The following CTNND2 variants were observed in gnomAD, a reference collection of about 807,000 sequenced individuals.
CTNND2 encodes the protein catenin delta-2.
CTNND2 carries 22 observed loss-of-function variants against 144.4 expected under a neutral mutation model. That is an observed-to-expected ratio of 0.15 (90% CI 0.11 to 0.22). CTNND2 has a LOEUF of 0.22. Among genes scored for constraint, CTNND2 ranks in the 10% least tolerant of loss-of-function variants. The pLI is 1.00. For synonymous variants in CTNND2, 751 were observed against 695.6 expected, an observed-to-expected ratio of 1.08 and a Z score of -1.25; for missense variants, 1,353 against 1,618.8, an observed-to-expected ratio of 0.84 and a Z score of 2.82.
intron 12 of CTNND2, among the ~76,000 whole-genome samples, chr5:11,158,616 G>C (rs1002695094): frequency 6.6e-6 from 1 of 152,102 alleles, no homozygotes; most frequent in Non-Finnish European, 1.5e-5. Context: ...GAGAGCATTG[G>C]GATGAATACT....
chr5:11,633,610 T>C (rs940146518), intron 2 of CTNND2, among the ~76,000 whole-genome samples: 1 of 152,016 alleles, frequency 6.6e-6, no homozygotes, highest in African/African-American at 2.4e-5. Context: ...ACCCCATCTC[T>C]ACTAAAAATA....
At chr5:11,112,833 G>T (rs1281923139) in intron 13 of CTNND2, among the ~76,000 whole-genome samples, 2 of 152,152 alleles carry the variant, frequency 1.3e-5, no homozygotes, top group African/African-American at 4.8e-5. Context: ...TTTGTAAAGG[G>T]AGGGTCATAT....
intron 3 of CTNND2, among the ~76,000 whole-genome samples, chr5:11,555,112 C>A (rs897207976): frequency 6.6e-6 from 1 of 152,136 alleles, no homozygotes; most frequent in Non-Finnish European, 1.5e-5. Context: ...TCTGTTCATT[C>A]ATTTATTCAT....
intron 16 of CTNND2, among the ~76,000 whole-genome samples, chr5:11,078,788 G>A (rs917482810): frequency 6.6e-6 from 1 of 152,172 alleles, no homozygotes; most frequent in Non-Finnish European, 1.5e-5. Context: ...AAAAAGAAAA[G>A]AGTATATGGG....
At chr5:11,584,806 T>C (rs1778712815) in intron 2 of CTNND2, among the ~76,000 whole-genome samples, 1 of 152,176 alleles carries the variant, frequency 6.6e-6, no homozygotes, top group Non-Finnish European at 1.5e-5. Context: ...ACCCTAAAGA[T>C]ACGTTTTGTT....
At chr5:11,311,258 TCA>T (rs1336806780) in intron 9 of CTNND2, among the ~76,000 whole-genome samples, 3 of 116,638 alleles carry the variant, frequency 2.6e-5, no homozygotes, top group African/African-American at 9.8e-5. Context: ...ACATAAACTC[TCA>T]CACTCACTCC....
intron 10 of CTNND2, among the ~76,000 whole-genome samples, chr5:11,221,296 C>CTGT (rs1431282045): frequency 6.6e-6 from 1 of 152,222 alleles, no homozygotes; most frequent in Non-Finnish European, 1.5e-5. Context: ...ACTGGGGCAC[C>CTGT]TGTTCAAGTC....
intron 9 of CTNND2, among the ~76,000 whole-genome samples, chr5:11,276,634 C>G (rs1746562197): frequency 6.6e-6 from 1 of 152,132 alleles, no homozygotes. Context: ...AGTGCTAATA[C>G]CCAGTATCTG....
At chr5:11,807,311 A>G (rs1792057634) in intron 1 of CTNND2, among the ~76,000 whole-genome samples, 1 of 152,178 alleles carries the variant, frequency 6.6e-6, no homozygotes, top group Non-Finnish European at 1.5e-5. Context: ...ATTAAACATT[A>G]TCTTTTGACT....
At chr5:11,058,107 T>C (rs953524724) in intron 16 of CTNND2, among the ~76,000 whole-genome samples, 16 of 152,342 alleles carry the variant, frequency 1.1e-4, no homozygotes, top group Middle Eastern at 3.4e-3. Context: ...GACAACGTGA[T>C]AGAAAATAAA....
At chr5:11,214,702 TG>T (rs1561033033) in intron 10 of CTNND2, among the ~76,000 whole-genome samples, 1 of 152,230 alleles carries the variant, frequency 6.6e-6, no homozygotes, top group Non-Finnish European at 1.5e-5. Flanking sequence ...GTCTTCTCTC[TG>T]CTTCCATCTC....
chr5:11,461,002 T>A (rs1766167081), intron 3 of CTNND2, among the ~76,000 whole-genome samples: 1 of 151,736 alleles, frequency 6.6e-6, no homozygotes, highest in South Asian at 2.1e-4. Context: ...TGAGCCGAGA[T>A]CATGCCACTG....
At chr5:11,842,720 G>GAAA (rs746686111) in intron 1 of CTNND2, among the ~76,000 whole-genome samples, 7 of 127,180 alleles carry the variant, frequency 5.5e-5, no homozygotes, top group East Asian at 2.3e-4. Flanking sequence ...CTCGGTCTCA[G>GAAA]AACAAAAAAA....
chr5:11,621,778 A>G (rs1185528055), intron 2 of CTNND2, among the ~76,000 whole-genome samples: 1 of 152,138 alleles, frequency 6.6e-6, no homozygotes, highest in African/African-American at 2.4e-5. Flanking sequence ...TATCTTTGTT[A>G]TATGTTTCCC....
At chr5:11,150,499 A>AT (rs796855680) in intron 12 of CTNND2, among the ~76,000 whole-genome samples, 34 of 152,306 alleles carry the variant, frequency 2.2e-4, no homozygotes, top group African/African-American at 7.2e-4. Context: ...CAGACTCAAG[A>AT]AAAAGAGGAT....
At chr5:11,128,818 T>G (rs2023922) in intron 12 of CTNND2, among the ~76,000 whole-genome samples, 15,927 of 71,234 alleles carry the variant, frequency 0.22, 3,673 homozygotes, top group East Asian at 0.6. Flanking sequence ...ATATATATAA[T>G]ATATATTATA....
At chr5:11,352,550 T>C (rs1755434454) in intron 8 of CTNND2, among the ~76,000 whole-genome samples, 1 of 152,160 alleles carries the variant, frequency 6.6e-6, no homozygotes, top group Non-Finnish European at 1.5e-5. Flanking sequence ...ATCCTGAAAC[T>C]TAAACAACAA....
At chr5:11,770,700 T>TG (rs917944272) in intron 1 of CTNND2, among the ~76,000 whole-genome samples, 1 of 152,098 alleles carries the variant, frequency 6.6e-6, no homozygotes, top group African/African-American at 2.4e-5. Context: ...CTGTTGGATT[T>TG]GGGGCGCAAA....
intron 1 of CTNND2, among the ~76,000 whole-genome samples, chr5:11,752,595 A>G (rs914149589): frequency 6.9e-6 from 1 of 144,578 alleles, no homozygotes; most frequent in Non-Finnish European, 1.5e-5. Flanking sequence ...GTGTAGGCTT[A>G]TAGTATAGTT....
Sources: allele counts gnomAD v4.1 joint callset (sites outside exome capture counted in the v4.1 genomes callset), GRCh38; gene constraint gnomAD v4.1.1; transcripts MANE v1.5; gene names NCBI Gene and HGNC (gene_info 2026-07-23, HGNC 2026-07-21).